Variants in TRIM37 observed in about 807,000 individuals in gnomAD.
TRIM37 encodes the protein tripartite motif containing 37, also known as E3 ubiquitin-protein ligase TRIM37.
A neutral mutation model predicts 129.8 loss-of-function variants in TRIM37; 80 were observed. The ratio of observed to expected loss-of-function variants is 0.62; its 90% CI spans 0.51 to 0.74. The LOEUF (loss-of-function observed/expected upper bound fraction) is 0.74. TRIM37 is among the 30% of genes least tolerant of loss of function. The pLI, the probability that TRIM37 is intolerant of heterozygous loss-of-function variation, is 0.00. For synonymous variants in TRIM37, 389 were observed against 387.1 expected (o/e 1.00, Z -0.06); for missense variants, 1,054 against 1,176.5 (o/e 0.90, Z 1.52).
chr17:59,057,227 T>G (rs938177573), intron 12 of TRIM37, among the ~76,000 whole-genome samples, 173 bp from the exon 13 acceptor site: 10 of 152,244 alleles, frequency 6.6e-5, no homozygotes, highest in Non-Finnish European at 1.3e-4. Context: ...GTTTTTTTAT[T>G]TATTTAAGAT....
chr17:58,980,288 C>G, downstream of TRIM37: 4 of 1,614,104 alleles, frequency 2.5e-6, no homozygotes, highest in Non-Finnish European at 3.4e-6. The surrounding 1 kb of genome is among the most constrained non-coding windows in gnomAD (Gnocchi z 4.7). Flanking sequence ...GAACTCTTTT[C>G]AAGGAGGGCA....
At chr17:59,019,292 G>A (rs1408230508) in intron 19 of TRIM37, among the ~76,000 whole-genome samples, 3 of 152,192 alleles carry the variant, frequency 2.0e-5, no homozygotes, top group Non-Finnish European at 4.4e-5. Context: ...ATGTAGTACA[G>A]CCATACAATA....
At chr17:59,089,844 A>T (rs1306316905) in intron 3 of TRIM37, among the ~76,000 whole-genome samples, 1 of 152,170 alleles carries the variant, frequency 6.6e-6, no homozygotes, top group Non-Finnish European at 1.5e-5. Context: ...TTCACGCTGC[A>T]ATCCTAGCAC....
At chr17:59,027,962 T>C (rs887099151) in intron 19 of TRIM37, among the ~76,000 whole-genome samples, 2 of 152,198 alleles carry the variant, frequency 1.3e-5, no homozygotes, top group African/African-American at 2.4e-5. Context: ...GATCTATAAA[T>C]AGCTGCCACC....
intron 17 of TRIM37, among the ~76,000 whole-genome samples, chr17:59,041,233 A>T (rs1222568793): frequency 6.6e-6 from 1 of 152,218 alleles, no homozygotes; most frequent in Admixed American, 6.5e-5. Flanking sequence ...GCAGTGTTTT[A>T]GTTTGGGAGA....
chr17:59,037,557 C>CAAAAAAAAA (rs58856834), intron 17 of TRIM37, among the ~76,000 whole-genome samples: 7 of 74,032 alleles, frequency 9.5e-5, no homozygotes, highest in African/African-American at 2.5e-4. Context: ...GACTCTGTCT[C>CAAAAAAAAA]AAAAAAAAAA....
chr17:59,042,469 T>G (rs1415165760), intron 16 of TRIM37, among the ~76,000 whole-genome samples: 2 of 128,498 alleles, frequency 1.6e-5, no homozygotes, highest in South Asian at 2.5e-4. Context: ...TATATATATA[T>G]ATATATCTCA....
chr17:59,032,495 G>A (rs1043664059), intron 17 of TRIM37, among the ~76,000 whole-genome samples: 6 of 137,842 alleles, frequency 4.4e-5, no homozygotes, highest in African/African-American at 1.1e-4. Context: ...ACTGCAGTCC[G>A]CAGTCCGGCC....
chr17:59,052,055 T>C (rs1364575777), intron 13 of TRIM37, among the ~76,000 whole-genome samples: 1 of 152,050 alleles, frequency 6.6e-6, no homozygotes, highest in Non-Finnish European at 1.5e-5. Flanking sequence ...ATGCTCTAAA[T>C]AAACTATATC....
At chr17:58,977,651 C>T (rs139309304), downstream of TRIM37, among the ~76,000 whole-genome samples, 236 of 152,294 alleles carry the variant, frequency 1.5e-3, 3 homozygotes, top group African/African-American at 5.5e-3. Context: ...CTAGATAGGG[C>T]ATGTGCCCAC....
rs201937328 is a variant in TRIM37 at position 59,012,390 on chromosome 17, T to A, written c.2633A>T (p.Asn878Ile). Residue 878 changes from asparagine (N) to isoleucine (I), a missense_variant, in exon 22 of 24, where the codon AAT becomes ATT. This residue lies in a region of TRIM37 where 287 missense variants were observed against 274.3 expected (regional missense o/e 1.05). Transcript: ENST00000262294. ...AGGCTGTAACTCTCCAGTTTCAGAA[T>A]TATTTTCCAAATCAGTCATCTGCAG... is the stretch of plus-strand genomic sequence containing the variant. ...EGLQMTDLEN[N>I]SETGELQPVL... is the part of the protein sequence containing the mutation. 3.9e-5 allele frequency: 63 copies of A among 1,612,952 alleles called. No homozygotes were observed. The highest frequency in any genetic ancestry group is 5.3e-5 in the Non-Finnish European group (62 of 1,180,010).
chr17:59,013,167 A>G (rs1414093659), intron 21 of TRIM37, among the ~76,000 whole-genome samples: 1 of 152,146 alleles, frequency 6.6e-6, no homozygotes, highest in African/African-American at 2.4e-5. Context: ...TATTTGAGAT[A>G]GAGTCTCACT....
chr17:59,001,336 T>A (rs970539942), intron 23 of TRIM37, among the ~76,000 whole-genome samples: 2 of 151,604 alleles, frequency 1.3e-5, no homozygotes, highest in Non-Finnish European at 2.9e-5. Flanking sequence ...GTGGACCCCG[T>A]CTCTGCCCAG....
downstream of TRIM37, chr17:58,980,639 T>A (rs1404081017): frequency 6.2e-7 from 1 of 1,613,978 alleles, no homozygotes; most frequent in South Asian, 1.1e-5. This position sits in a 1 kb window ranked among gnomAD's most constrained non-coding sequence, Gnocchi z 4.7. Flanking sequence ...TGCTGGAGAG[T>A]TTCCCACTGC....
At chr17:59,008,413 G>A (rs1468736913) in intron 22 of TRIM37, among the ~76,000 whole-genome samples, 1 of 152,114 alleles carries the variant, frequency 6.6e-6, no homozygotes, top group East Asian at 1.9e-4. Context: ...TCAAAGACTT[G>A]GAAAATGTAC....
intron 24 of TRIM37, chr17:58,983,208 A>G (rs1209871063): frequency 3.2e-6 from 1 of 310,414 alleles, no homozygotes; most frequent in Non-Finnish European, 5.9e-6. Context: ...TCATGCCATT[A>G]GCTCTCTACA....
At chr17:59,020,695 C>T (rs2036508439) in intron 19 of TRIM37, among the ~76,000 whole-genome samples, 1 of 152,038 alleles carries the variant, frequency 6.6e-6, no homozygotes, top group Admixed American at 6.6e-5. Context: ...AAAGACGACA[C>T]ACAAATAGCA....
the TRIM37 span, among the ~76,000 whole-genome samples, chr17:58,971,027 G>T: frequency 6.6e-6 from 1 of 151,868 alleles, no homozygotes; most frequent in East Asian, 1.9e-4. Flanking sequence ...CAGTGACCCT[G>T]GTGTCTCTCA....
intron 2 of TRIM37, among the ~76,000 whole-genome samples, chr17:59,103,581 C>T (rs2045720705): frequency 6.6e-6 from 1 of 151,628 alleles, no homozygotes; most frequent in East Asian, 1.9e-4. Context: ...ACACCATGAT[C>T]CACCCGCCTC....
Sources: allele counts gnomAD v4.1 joint callset (sites outside exome capture counted in the v4.1 genomes callset), GRCh38; gene constraint gnomAD v4.1.1; regional missense constraint gnomAD v4.1.1; non-coding constraint Gnocchi (gnomAD v3.1); transcripts MANE v1.5; gene names NCBI Gene and HGNC (gene_info 2026-07-23, HGNC 2026-07-21).